Variants in GRM8 observed in about 807,000 individuals in gnomAD.
The protein encoded by GRM8 is metabotropic glutamate receptor 8.
Under a neutral mutation model 87.2 loss-of-function variants are expected in GRM8, and 47 were observed. The ratio of observed to expected loss-of-function variants is 0.54; its 90% CI spans 0.43 to 0.69. GRM8 has a LOEUF of 0.69. Ranked by LOEUF, GRM8 falls within the 30% of genes least tolerant of loss-of-function variation. The pLI, the probability that GRM8 is intolerant of heterozygous loss-of-function variation, is 0.00. For synonymous variants in GRM8, 396 were observed against 404.5 expected (o/e 0.98, Z 0.25); for missense variants, 1,019 against 1,139.2 (o/e 0.89, Z 1.52).
At chr7:126,615,579 C>A (rs1799399762) in intron 7 of GRM8, among the ~76,000 whole-genome samples, 1 of 152,086 alleles carries the variant, frequency 6.6e-6, no homozygotes, top group South Asian at 2.1e-4. Flanking sequence ...CACAGACTGG[C>A]AAATTGGATA....
intron 7 of GRM8, among the ~76,000 whole-genome samples, chr7:126,747,866 C>T (rs924697869): frequency 1.3e-5 from 2 of 151,880 alleles, no homozygotes; most frequent in African/African-American, 2.4e-5. Context: ...AACACTACCT[C>T]GGTATTTATT....
chr7:126,519,298 T>C (rs1812631845), intron 9 of GRM8, among the ~76,000 whole-genome samples: 1 of 152,082 alleles, frequency 6.6e-6, no homozygotes, highest in East Asian at 1.9e-4. Flanking sequence ...GTTTAGAACT[T>C]GTATTAATAG....
Position 127,106,518 on chromosome 7 carries a change from G to A in GRM8, c.705C>T (p.Phe235=), listed in dbSNP as rs1825817674. 1 of 1,613,568 alleles carries A rather than the reference G, an allele frequency of 6.2e-7. No homozygotes were observed. The highest frequency in any genetic ancestry group is 8.5e-7 in the Non-Finnish European group (1 of 1,179,566). The change falls in exon 3 of 11, where the codon TTC becomes TTT. Residue 235 remains phenylalanine (F), a synonymous_variant. Coordinates refer to ENST00000339582, the MANE Select transcript of GRM8 (RefSeq NM_000845.3). ...GNYGESGVEA[F]TQISREIGGV... ...TACCAATCTCCCTCGAGATCTGGGT[G>A]AAGGCCTCCACACCGCTCTCACCAT...
chr7:126,728,634 C>T (rs1042895888), intron 7 of GRM8, among the ~76,000 whole-genome samples: 1 of 152,144 alleles, frequency 6.6e-6, no homozygotes, highest in Non-Finnish European at 1.5e-5. Context: ...CTTTGAAAAA[C>T]ACTCGAAGAC....
intron 7 of GRM8, among the ~76,000 whole-genome samples, chr7:126,649,421 G>A (rs2097641): frequency 0.31 from 46,827 of 151,948 alleles, 8,077 homozygotes; most frequent in East Asian, 0.43. Context: ...CTCAAATATC[G>A]GACTCCAAGT....
intron 3 of GRM8, among the ~76,000 whole-genome samples, chr7:127,096,771 C>A (rs933739881): frequency 4.6e-5 from 7 of 152,166 alleles, no homozygotes; most frequent in African/African-American, 1.4e-4. Flanking sequence ...AAGTTCTTAA[C>A]CACTCCCCAG....
intron 6 of GRM8, among the ~76,000 whole-genome samples, chr7:126,867,730 G>A (rs1193229041): frequency 2.6e-5 from 4 of 152,184 alleles, no homozygotes; most frequent in Admixed American, 6.5e-5. Context: ...ACAGAAATGA[G>A]AGGACAGAGG....
intron 3 of GRM8, among the ~76,000 whole-genome samples, chr7:126,986,910 T>A (rs532678357): frequency 5.2e-5 from 8 of 152,384 alleles, no homozygotes; most frequent in East Asian, 3.9e-4. Flanking sequence ...CAAGCTTTTT[T>A]AATAAATATT....
Position 127,125,996 on chromosome 7 carries a change from G to A in GRM8, c.511-19284C>T, listed in dbSNP as rs141145641. 3.8e-4 allele frequency among the ~76,000 whole-genome samples: 49 copies of A among 128,682 alleles called. No homozygotes were observed. The East Asian group carries it at 8.1e-3, about 21-fold the overall frequency. The allele number at this position is 128,682 out of a possible 152,430, so 84.4% of individuals were successfully genotyped here. ...AAACAACAGATGTTGGTGAGGATGC[G>A]GAGAAAAGGGAATGCTTTATACTGT... On this transcript the variant is annotated intron_variant, in intron 2 of 10. Transcript: ENST00000339582.
At chr7:126,447,265 G>A (rs910887050) in intron 9 of GRM8, 2 of 151,812 alleles carry the variant, frequency 1.3e-5, no homozygotes, top group African/African-American at 4.8e-5. Context: ...AGAAACAGCA[G>A]TATTTCATTC....
Position 127,168,914 on chromosome 7 carries a change from C to T in GRM8, c.511-62202G>A, listed in dbSNP as rs553697455. On this transcript the variant is annotated intron_variant, in intron 2 of 10. Coordinates refer to ENST00000339582, the MANE Select transcript of GRM8 (RefSeq NM_000845.3). ...TAGGAGAAATACCTAATGTAGATGA[C>T]GGGTTGATGGGCGCAGCAAACCACC... Among the ~76,000 whole-genome samples, 356 of 151,548 alleles carry T rather than the reference C, an allele frequency of 2.3e-3. 2 individuals carry two copies. The highest frequency in any genetic ancestry group is 8.5e-3 in the South Asian group (41 of 4,812).
intron 7 of GRM8, among the ~76,000 whole-genome samples, chr7:126,733,847 C>T (rs1014538304): frequency 5.7e-4 from 87 of 151,892 alleles, no homozygotes; most frequent in African/African-American, 2.1e-3. Flanking sequence ...ACAGGAATGC[C>T]CAGCATCACA....
intron 3 of GRM8, among the ~76,000 whole-genome samples, chr7:127,071,992 CCA>C (rs1418836618): frequency 1.3e-5 from 2 of 152,212 alleles, no homozygotes; most frequent in African/African-American, 4.8e-5. Context: ...CCCCTGAACT[CCA>C]GTTTCTCTCC....
At chr7:126,960,085 C>T (rs918590146) in intron 3 of GRM8, among the ~76,000 whole-genome samples, 5 of 152,102 alleles carry the variant, frequency 3.3e-5, no homozygotes, top group African/African-American at 1.2e-4. Context: ...GCTACACATT[C>T]ATCAGCCAGC....
At chr7:127,129,170 T>A (rs1827539832) in intron 2 of GRM8, among the ~76,000 whole-genome samples, 1 of 152,194 alleles carries the variant, frequency 6.6e-6, no homozygotes, top group Non-Finnish European at 1.5e-5. Context: ...AAAGTCAACA[T>A]TCATATCCTA....
At chr7:126,863,671 T>A (rs1238165436) in intron 6 of GRM8, among the ~76,000 whole-genome samples, 1 of 152,216 alleles carries the variant, frequency 6.6e-6, no homozygotes, top group Non-Finnish European at 1.5e-5. Context: ...ATCTGTCATA[T>A]CAGCTTCAGT....
intron 3 of GRM8, among the ~76,000 whole-genome samples, chr7:127,046,270 G>A (rs1818913135): frequency 1.3e-5 from 2 of 152,084 alleles, no homozygotes; most frequent in Non-Finnish European, 2.9e-5. Flanking sequence ...TACTCAGAAG[G>A]CTGAGGCAGG....
intron 7 of GRM8, among the ~76,000 whole-genome samples, chr7:126,684,149 A>T (rs1381349454): frequency 6.6e-6 from 1 of 152,186 alleles, no homozygotes; most frequent in Admixed American, 6.5e-5. Context: ...AAAAAAAATC[A>T]TACTTAGGGC....
chr7:127,241,607 G>A (rs962633155), intron 2 of GRM8, among the ~76,000 whole-genome samples: 9 of 151,732 alleles, frequency 5.9e-5, no homozygotes, highest in African/African-American at 1.9e-4. Context: ...CTAATTTTTT[G>A]TATCTTTTTA....
Sources: allele counts gnomAD v4.1 joint callset (sites outside exome capture counted in the v4.1 genomes callset), GRCh38; gene constraint gnomAD v4.1.1; transcripts MANE v1.5; gene names NCBI Gene and HGNC (gene_info 2026-07-23, HGNC 2026-07-21).